RHOJ: variants seen among roughly 807,000 people sequenced by gnomAD.
RHOJ encodes ras homolog family member J.
A neutral mutation model predicts 23.4 loss-of-function variants in RHOJ; 11 were observed. That is an observed-to-expected ratio of 0.47 (90% CI 0.30 to 0.78). RHOJ has a LOEUF of 0.78. RHOJ is among the 30% of genes least tolerant of loss of function. RHOJ has a pLI of 0.08. For synonymous variants in RHOJ, 102 were observed against 102.7 expected, an observed-to-expected ratio of 0.99 and a Z score of 0.04; for missense variants, 254 against 273.4, an observed-to-expected ratio of 0.93 and a Z score of 0.50.
At chr14:63,208,414 C>T (rs1894160394) in intron 1 of RHOJ, among the ~76,000 whole-genome samples, 1 of 152,128 alleles carries the variant, frequency 6.6e-6, no homozygotes, top group East Asian at 1.9e-4. Flanking sequence ...TATATGCTTC[C>T]TTATTTTCCC....
rs149687486 is a variant in RHOJ at position 63,291,114 on chromosome 14, C to A, written c.*90C>A. On this transcript the variant is annotated 3_prime_UTR_variant, in exon 5 of 5. Coordinates refer to ENST00000316754, the MANE Select transcript of RHOJ (RefSeq NM_020663.5). Reference sequence around the variant, plus strand: ...GCTCCAGCCAAAAAGGAGGGCACGACCAGAAAGGAACTCCCTTTGCACGGA... The same window carrying A: ...GCTCCAGCCAAAAAGGAGGGCACGAACAGAAAGGAACTCCCTTTGCACGGA... 1,127 of 1,463,926 alleles carry A rather than the reference C, an allele frequency of 7.7e-4. 5 individuals are homozygous for A. The African/African-American group carries it at 9.5e-3, about 12-fold the overall frequency. 90.7% of individuals were successfully genotyped at this position (1,463,926 alleles called of 1,614,324 possible).
rs1198579883 is a variant in RHOJ, at chr14:63,291,077, C to G, written c.*53C>G. 6.2e-7 allele frequency: 1 copy of G among 1,603,558 alleles called. No individual in the cohort carries two copies. Among genetic ancestry groups the G allele is most frequent in the East Asian group, 2.2e-5 (1 of 44,832 alleles). On this transcript the variant is annotated 3_prime_UTR_variant, in exon 5 of 5. Transcript: ENST00000316754. The stretch of plus-strand genomic sequence containing the variant: ...TCCAGGGATGAGAATGGCAGCCAAT[C>G]TCTGTGGCCAAGCTCCAGCCAAAAA...
chr14:63,238,764 A>G (rs1894833751), intron 1 of RHOJ, among the ~76,000 whole-genome samples: 1 of 152,176 alleles, frequency 6.6e-6, no homozygotes, highest in African/African-American at 2.4e-5. Flanking sequence ...CACAGTCAGC[A>G]TGGAGCTTAT....
chr14:63,221,062 C>T (rs1894481711), intron 1 of RHOJ, among the ~76,000 whole-genome samples: 1 of 152,174 alleles, frequency 6.6e-6, no homozygotes, highest in African/African-American at 2.4e-5. Context: ...GGCACAGTGG[C>T]TCACACCTGT....
intron 1 of RHOJ, among the ~76,000 whole-genome samples, chr14:63,217,104 T>C (rs887577051): frequency 6.6e-6 from 1 of 150,644 alleles, no homozygotes; most frequent in South Asian, 2.1e-4. Context: ...TTTATTATTA[T>C]ACTTTAAGTT....
intron 2 of RHOJ, 117 bp from the exon 3 acceptor site, chr14:63,280,854 G>T: frequency 2.2e-6 from 2 of 902,458 alleles, no homozygotes. Context: ...TTCCAGGGTT[G>T]AGGAAGAAAC....
chr14:63,242,465 G>T (rs897343894), intron 1 of RHOJ, among the ~76,000 whole-genome samples: 1 of 152,088 alleles, frequency 6.6e-6, no homozygotes, highest in Non-Finnish European at 1.5e-5. Flanking sequence ...GCTACTTGGG[G>T]TGTTGAGGAG....
intron 2 of RHOJ, among the ~76,000 whole-genome samples, chr14:63,271,913 T>G (rs908881110): frequency 2.6e-5 from 4 of 152,214 alleles, no homozygotes; most frequent in Non-Finnish European, 5.9e-5. Flanking sequence ...ACAGGTTTTC[T>G]GGCAATGCTG....
intron 1 of RHOJ, among the ~76,000 whole-genome samples, chr14:63,218,950 A>C (rs1358663688): frequency 6.6e-6 from 1 of 152,210 alleles, no homozygotes; most frequent in African/African-American, 2.4e-5. Flanking sequence ...TGCTGCACTT[A>C]TGGTAGGAGA....
chr14:63,237,005 G>A (rs866872482), intron 1 of RHOJ, among the ~76,000 whole-genome samples: 1 of 152,242 alleles, frequency 6.6e-6, no homozygotes. Flanking sequence ...TTTAGGGAAT[G>A]ATGACAAGAA....
chr14:63,268,198 T>C (rs946301285), intron 1 of RHOJ, among the ~76,000 whole-genome samples: 1 of 152,204 alleles, frequency 6.6e-6, no homozygotes, highest in Non-Finnish European at 1.5e-5. Context: ...ATTTCCTTTT[T>C]CCAAAAAGCG....
At chr14:63,271,784 A>G in intron 2 of RHOJ, among the ~76,000 whole-genome samples, 1 of 151,914 alleles carries the variant, frequency 6.6e-6, no homozygotes, top group South Asian at 2.1e-4. Context: ...TTTTCTAGAG[A>G]CGGAGGTTTC....
chr14:63,236,077 T>G (rs992199104), intron 1 of RHOJ, among the ~76,000 whole-genome samples: 5 of 152,356 alleles, frequency 3.3e-5, no homozygotes, highest in African/African-American at 1.2e-4. Flanking sequence ...TTTTAGATTT[T>G]TCCACATATA....
chr14:63,288,889 G>T (rs1156300322), intron 4 of RHOJ, among the ~76,000 whole-genome samples: 5 of 152,198 alleles, frequency 3.3e-5, no homozygotes. Flanking sequence ...TTTGAAATAA[G>T]TGGACAATCT....
chr14:63,289,687 A>C (rs1882187248), intron 4 of RHOJ, among the ~76,000 whole-genome samples: 1 of 152,208 alleles, frequency 6.6e-6, no homozygotes, highest in African/African-American at 2.4e-5. Context: ...TTTAAATGAG[A>C]ATCTATAGTT....
At chr14:63,219,549 G>A (rs1894438635) in intron 1 of RHOJ, among the ~76,000 whole-genome samples, 1 of 152,126 alleles carries the variant, frequency 6.6e-6, no homozygotes, top group Non-Finnish European at 1.5e-5. Flanking sequence ...CGGGCGTGGT[G>A]GCTCACACCT....
intron 1 of RHOJ, among the ~76,000 whole-genome samples, chr14:63,206,893 A>T (rs897006185): frequency 1.3e-5 from 2 of 152,228 alleles, no homozygotes; most frequent in Non-Finnish European, 2.9e-5. Context: ...ATTCCTAAAC[A>T]TGGTTACTTT....
intron 4 of RHOJ, among the ~76,000 whole-genome samples, chr14:63,287,848 A>G (rs1882129492): frequency 6.6e-6 from 1 of 152,142 alleles, no homozygotes; most frequent in African/African-American, 2.4e-5. Context: ...TAAATACTTG[A>G]CTGTGTAGGT....
intron 2 of RHOJ, among the ~76,000 whole-genome samples, chr14:63,275,456 T>A (rs1881686970): frequency 6.6e-6 from 1 of 152,210 alleles, no homozygotes; most frequent in East Asian, 1.9e-4. Context: ...AGGGCCCAGG[T>A]GTTTGGCGCA....
Sources: gnomAD v4.1 joint callset for allele counts (sites outside exome capture counted in the v4.1 genomes callset) on GRCh38, gnomAD v4.1.1 for gene constraint, MANE v1.5 for transcripts, NCBI Gene and HGNC (gene_info 2026-07-23, HGNC 2026-07-21) for gene names.